The following SYNDIG1 variants were observed in gnomAD, a reference collection of about 807,000 sequenced individuals.
SYNDIG1 encodes the protein synapse differentiation inducing 1.
SYNDIG1 carries 9 observed loss-of-function variants against 19.4 expected under a neutral mutation model. That is an observed-to-expected ratio of 0.46 (90% confidence interval 0.28 to 0.81). SYNDIG1 has a LOEUF of 0.81. Among genes scored for constraint, SYNDIG1 ranks in the 30% least tolerant of loss-of-function variants. The probability of loss-of-function intolerance (pLI) is 0.12; values close to 1 mark genes in which losing one functional copy is unlikely to be tolerated. For synonymous variants in SYNDIG1, 141 were observed against 145.9 expected (o/e 0.97, Z 0.24); for missense variants, 311 against 343.3 (o/e 0.91, Z 0.74).
chr20:24,487,463 TTA>T (rs1354172184), intron 1 of SYNDIG1, among the ~76,000 whole-genome samples: 6 of 152,076 alleles, frequency 3.9e-5, no homozygotes, highest in Non-Finnish European at 8.8e-5. Flanking sequence ...CCATGCTGAG[TTA>T]TCTGCTCTGG....
intron 3 of SYNDIG1, among the ~76,000 whole-genome samples, chr20:24,637,405 C>T (rs1291357863): frequency 6.6e-6 from 1 of 152,148 alleles, no homozygotes. Flanking sequence ...AAAGCAGTGG[C>T]ATTGGAGAGA....
At chr20:24,515,545 C>A (rs1181336511) in intron 1 of SYNDIG1, among the ~76,000 whole-genome samples, 1 of 150,992 alleles carries the variant, frequency 6.6e-6, no homozygotes, top group African/African-American at 2.4e-5. Flanking sequence ...ACACCAATAA[C>A]AGACAAACAG....
chr20:24,566,980 T>A (rs1357723444), intron 2 of SYNDIG1, among the ~76,000 whole-genome samples: 1 of 152,168 alleles, frequency 6.6e-6, no homozygotes, highest in Admixed American at 6.5e-5. Context: ...CTTGGGAGCA[T>A]AACCCTTCTC....
chr20:24,469,889 C>G (rs1381720107), intron 1 of SYNDIG1, 136 bp downstream of exon 1: 1 of 151,992 alleles, frequency 6.6e-6, no homozygotes. Flanking sequence ...GGCTCCGCCT[C>G]GGAGCGCGCA....
At chr20:24,524,559 C>T (rs1226409926) in intron 1 of SYNDIG1, among the ~76,000 whole-genome samples, 2 of 151,448 alleles carry the variant, frequency 1.3e-5, no homozygotes, top group East Asian at 3.9e-4. Flanking sequence ...GGCAGGAGAA[C>T]GGCGTGAACC....
At chr20:24,560,617 G>T (rs2057921504) in intron 2 of SYNDIG1, among the ~76,000 whole-genome samples, 1 of 148,140 alleles carries the variant, frequency 6.8e-6, no homozygotes, top group Non-Finnish European at 1.5e-5. Flanking sequence ...ATTTGTCACT[G>T]TTGCATTGAA....
chr20:24,506,557 T>C (rs2056596081), intron 1 of SYNDIG1, among the ~76,000 whole-genome samples: 2 of 152,208 alleles, frequency 1.3e-5, no homozygotes, highest in Admixed American at 1.3e-4. Context: ...GAAGTTTCTC[T>C]TGAAGTCCTA....
At chr20:24,616,864 C>T (rs2058942887) in intron 3 of SYNDIG1, among the ~76,000 whole-genome samples, 2 of 152,186 alleles carry the variant, frequency 1.3e-5, no homozygotes, top group South Asian at 2.1e-4. Flanking sequence ...GGCAGGGTGC[C>T]GGCACTGGGG....
intron 2 of SYNDIG1, among the ~76,000 whole-genome samples, chr20:24,548,367 A>G (rs948482072): frequency 5.3e-5 from 8 of 152,036 alleles, no homozygotes; most frequent in Admixed American, 2.0e-4. Context: ...ACTTCTGTGA[A>G]CTCTCCGCCA....
chr20:24,476,812 T>C (rs2055641713), intron 1 of SYNDIG1, among the ~76,000 whole-genome samples: 1 of 152,196 alleles, frequency 6.6e-6, no homozygotes, highest in Non-Finnish European at 1.5e-5. Flanking sequence ...CCCTGCAGCC[T>C]GCAGCACAGC....
chr20:24,517,067 C>T (rs28822488), intron 1 of SYNDIG1, among the ~76,000 whole-genome samples: 16,467 of 152,046 alleles, frequency 0.11, 1,240 homozygotes, highest in African/African-American at 0.21. Flanking sequence ...AACCAAACAC[C>T]GCATGTTCTC....
intron 1 of SYNDIG1, among the ~76,000 whole-genome samples, chr20:24,500,465 A>G (rs1302182115): frequency 6.6e-6 from 1 of 151,074 alleles, no homozygotes; most frequent in South Asian, 2.1e-4. Context: ...GGAAAACAAA[A>G]GCAGATTCTT....
intron 3 of SYNDIG1, among the ~76,000 whole-genome samples, chr20:24,599,276 C>G (rs1312302545): frequency 6.6e-6 from 1 of 152,114 alleles, no homozygotes; most frequent in African/African-American, 2.4e-5. Context: ...ATCAAAATCA[C>G]AATGAGATAT....
At chr20:24,602,714 A>C (rs2058697219) in intron 3 of SYNDIG1, among the ~76,000 whole-genome samples, 1 of 152,196 alleles carries the variant, frequency 6.6e-6, no homozygotes, top group African/African-American at 2.4e-5. Context: ...ATGCTTTATA[A>C]AATATTTTCT....
At chr20:24,546,603 T>C (rs1423684597) in intron 2 of SYNDIG1, among the ~76,000 whole-genome samples, 1 of 152,212 alleles carries the variant, frequency 6.6e-6, no homozygotes, top group Non-Finnish European at 1.5e-5. Context: ...GCCCACTTTG[T>C]GAGGGCTTGT....
At position 24,573,166 on chromosome 20, in the gene SYNDIG1, G is replaced by A. The variant is rs1420491111; in HGVS notation, c.481-11690G>A. On this transcript the variant is annotated intron_variant, in intron 2 of 3. Transcript: ENST00000376862. ...AAGTGAGAATTACCATGCAAGCAAC[G>A]TACATTGTAAGCAGAGGTACTCATT... 4.4e-4 allele frequency among the ~76,000 whole-genome samples: 67 copies of A among 152,314 alleles called. 2 individuals carry two copies. Among genetic ancestry groups the A allele is most frequent in the Admixed American group, 4.4e-3 (67 of 15,300 alleles).
chr20:24,478,458 G>A (rs1336638961), intron 1 of SYNDIG1, among the ~76,000 whole-genome samples: 1 of 152,252 alleles, frequency 6.6e-6, no homozygotes, highest in African/African-American at 2.4e-5. Flanking sequence ...GTCTGCCAGA[G>A]GCAGAGCCAG....
chr20:24,651,589 G>A (rs997607386), intron 3 of SYNDIG1, among the ~76,000 whole-genome samples: 4 of 152,210 alleles, frequency 2.6e-5, no homozygotes, highest in South Asian at 2.1e-4. Context: ...AATACAAAAT[G>A]AGCTAAGGAC....
chr20:24,524,988 G>C (rs1229842728), intron 1 of SYNDIG1, among the ~76,000 whole-genome samples: 1 of 151,982 alleles, frequency 6.6e-6, no homozygotes, highest in Non-Finnish European at 1.5e-5. Context: ...TAATTTAGAT[G>C]GGGCTCATTA....
Sources: allele counts gnomAD v4.1 joint callset (sites outside exome capture counted in the v4.1 genomes callset), GRCh38; gene constraint gnomAD v4.1.1; transcripts MANE v1.5; gene names NCBI Gene and HGNC (gene_info 2026-07-23, HGNC 2026-07-21).